ROR2: variants seen among roughly 807,000 people sequenced by gnomAD.
The protein encoded by ROR2 is ROR family WNT receptor 2, also known as tyrosine-protein kinase transmembrane receptor ROR2.
In ROR2, 33 loss-of-function variants were observed where a neutral mutation model predicts 74.9. The ratio of observed to expected loss-of-function variants is 0.44; its 90% CI spans 0.33 to 0.59. ROR2 has a LOEUF of 0.59. ROR2 is among the 20% of genes least tolerant of loss of function. The pLI is 0.02. For missense variants in ROR2, 1,216 were observed against 1,313.8 expected, an observed-to-expected ratio of 0.93 and a Z score of 1.15; for synonymous variants, 586 against 558.7, an observed-to-expected ratio of 1.05 and a Z score of -0.69.
In ROR2 at chr9:91,724,947, G is replaced by A. The variant is rs775860567; in HGVS notation, c.1547C>T (p.Pro516Leu). 52 of 1,613,138 alleles carry A rather than the reference G, an allele frequency of 3.2e-5. No individual in the cohort carries two copies. Among genetic ancestry groups the A allele is most frequent in the Non-Finnish European group, 4.2e-5 (49 of 1,179,704 alleles). The change falls in exon 9 of 9, where the codon CCC becomes CTC. Residue 516 changes from proline to leucine, a missense_variant. Pro to Leu is a moderately conservative substitution (Grantham distance 98). Coordinates refer to ENST00000375708, the MANE Select transcript of ROR2 (RefSeq NM_004560.4). ...IKTLKDKAEG[P>L]LREEFRHEAM... ...CTCATGCCGGAACTCCTCCCGCAGG[G>A]GCCCCTCCGCTTTGTCCTTCAGCGT... is the stretch of plus-strand genomic sequence containing the variant.
At chr9:91,866,293 T>A (rs965787006) in intron 1 of ROR2, among the ~76,000 whole-genome samples, 1 of 151,834 alleles carries the variant, frequency 6.6e-6, no homozygotes, top group African/African-American at 2.4e-5. Context: ...CTAATTTTTA[T>A]ATTTTTAGTA....
At chr9:91,770,823 TAACA>T (rs1192019070) in intron 2 of ROR2, among the ~76,000 whole-genome samples, 1 of 152,186 alleles carries the variant, frequency 6.6e-6, no homozygotes, top group Non-Finnish European at 1.5e-5. Flanking sequence ...ATGTTAAACC[TAACA>T]AACTATCATA....
chr9:91,740,293 A>C (rs1208181348), intron 4 of ROR2, among the ~76,000 whole-genome samples: 1 of 152,122 alleles, frequency 6.6e-6, no homozygotes, highest in Non-Finnish European at 1.5e-5. Flanking sequence ...TCAAACCTGT[A>C]ATCCCAGCAC....
intron 6 of ROR2, 40 bp from the exon 7 acceptor site, chr9:91,731,195 A>C: frequency 1.9e-6 from 3 of 1,613,192 alleles, no homozygotes; most frequent in African/African-American, 1.3e-5. Context: ...TCCGGGGTAC[A>C]ACAAAACCAT....
chr9:91,875,992 C>T (rs1384835169), intron 1 of ROR2, among the ~76,000 whole-genome samples: 1 of 151,890 alleles, frequency 6.6e-6, no homozygotes, highest in Non-Finnish European at 1.5e-5. Context: ...CTCAACTGAG[C>T]TCGGAGCAGA....
At chr9:91,942,906 A>T (rs1230543386) in intron 1 of ROR2, among the ~76,000 whole-genome samples, 1 of 152,092 alleles carries the variant, frequency 6.6e-6, no homozygotes, top group Non-Finnish European at 1.5e-5. Context: ...AGCCTCTAAA[A>T]CTGTGGGAGA....
chr9:91,860,661 G>A (rs767468717), intron 1 of ROR2, among the ~76,000 whole-genome samples: 1 of 152,316 alleles, frequency 6.6e-6, no homozygotes, highest in Non-Finnish European at 1.5e-5. Flanking sequence ...CCAAAGGCTG[G>A]AAGGCCTGGA....
chr9:91,733,968 G>C lies in ROR2; in HGVS notation c.623-532C>G, dbSNP rs1302308181. Among the ~76,000 whole-genome samples the C allele has an allele frequency of 6.6e-6, 1 of 152,232 alleles. No homozygotes were observed. The highest frequency in any genetic ancestry group is 2.4e-5 in the African/African-American group (1 of 41,458). On this transcript the variant is annotated intron_variant, in intron 5 of 8. Coordinates refer to ENST00000375708, the MANE Select transcript of ROR2 (RefSeq NM_004560.4). The surrounding 1 kb of genome is among the most constrained non-coding windows in gnomAD (Gnocchi z 5.7). Reference sequence around the variant, plus strand: ...CAGTTGGTAAAATGCGGAAAGCCAAGAGGGTGAGAGCAGCAAAGTGGGAGG... The same window carrying C: ...CAGTTGGTAAAATGCGGAAAGCCAACAGGGTGAGAGCAGCAAAGTGGGAGG...
chr9:91,864,807 A>T (rs1003649405), intron 1 of ROR2, among the ~76,000 whole-genome samples: 3 of 152,252 alleles, frequency 2.0e-5, no homozygotes, highest in African/African-American at 4.8e-5. Context: ...AAAAGTAACA[A>T]GATAAATTAC....
chr9:91,823,038 C>T (rs948288124), intron 1 of ROR2, among the ~76,000 whole-genome samples: 2 of 151,926 alleles, frequency 1.3e-5, no homozygotes, highest in Non-Finnish European at 2.9e-5. Context: ...GTTAATGTCA[C>T]AAAGGTAAGA....
chr9:91,821,706 G>C (rs1430179291), intron 1 of ROR2, among the ~76,000 whole-genome samples: 1 of 152,172 alleles, frequency 6.6e-6, no homozygotes, highest in Non-Finnish European at 1.5e-5. Context: ...TCTTGGCTCA[G>C]ACATTCACCC....
At chr9:91,755,930 C>T (rs531050837) in intron 4 of ROR2, 141 bp downstream of exon 4, 14 of 823,230 alleles carry the variant, frequency 1.7e-5, no homozygotes, top group Middle Eastern at 2.3e-4. Flanking sequence ...TAAGCAAGCA[C>T]GTGGCCACCC....
intron 1 of ROR2, among the ~76,000 whole-genome samples, chr9:91,839,453 T>C (rs987652193): frequency 2.0e-5 from 3 of 151,462 alleles, no homozygotes; most frequent in Non-Finnish European, 2.9e-5. Flanking sequence ...TGTCTATGTG[T>C]GTGTGTATAT....
At chr9:91,744,213 C>T (rs369411960) in intron 4 of ROR2, among the ~76,000 whole-genome samples, 19 of 89,074 alleles carry the variant, frequency 2.1e-4, no homozygotes, top group East Asian at 1.2e-3. Flanking sequence ...AATTTGTTAA[C>T]TTTTTTTTTT....
At chr9:91,913,910 G>A (rs1351668803) in intron 1 of ROR2, among the ~76,000 whole-genome samples, 1 of 152,118 alleles carries the variant, frequency 6.6e-6, no homozygotes, top group Admixed American at 6.5e-5. Context: ...GTCCAACACT[G>A]TACTTAATGC....
rs143240265 is a variant in ROR2, at chr9:91,911,864, G to A, written c.97+38003C>T. ...CCAGAAAAGGAACAGAGAAATTCACGTGCTTCCTGCTACAACACAACATTG... is the reference window on the plus strand; with the variant it reads ...CCAGAAAAGGAACAGAGAAATTCACATGCTTCCTGCTACAACACAACATTG... On this transcript the variant is annotated intron_variant, in intron 1 of 8. Transcript: ENST00000375708. 4.9e-3 allele frequency among the ~76,000 whole-genome samples: 690 copies of A among 141,580 alleles called. 8 individuals are homozygous for A. The highest frequency in any genetic ancestry group is 0.018 in the African/African-American group (660 of 37,556). The allele number at this position is 141,580 out of a possible 152,430, so 92.9% of individuals were successfully genotyped here.
At chr9:91,755,944 T>C in intron 4 of ROR2, 127 bp downstream of exon 4, 1 of 948,592 alleles carries the variant, frequency 1.1e-6, no homozygotes. Flanking sequence ...GCCACCCCTG[T>C]GTGAAGCCCA....
At chr9:91,806,841 G>A (rs2463648) in intron 1 of ROR2, among the ~76,000 whole-genome samples, 25 of 152,240 alleles carry the variant, frequency 1.6e-4, no homozygotes, top group African/African-American at 5.8e-4. Context: ...CGCCCGCCTC[G>A]GCCACCCAAA....
intron 1 of ROR2, among the ~76,000 whole-genome samples, chr9:91,864,046 G>A (rs1236089243): frequency 6.6e-6 from 1 of 152,126 alleles, no homozygotes; most frequent in African/African-American, 2.4e-5. Flanking sequence ...AAATAAGGTG[G>A]GTTCAGGAAA....
Sources: allele counts gnomAD v4.1 joint callset (sites outside exome capture counted in the v4.1 genomes callset), GRCh38; gene constraint gnomAD v4.1.1; non-coding constraint Gnocchi (gnomAD v3.1); transcripts MANE v1.5; gene names NCBI Gene and HGNC (gene_info 2026-07-23, HGNC 2026-07-21).